FAM117B: variants seen among roughly 807,000 people sequenced by gnomAD.
The protein encoded by FAM117B is family with sequence similarity 117 member B, also known as protein FAM117B.
A neutral mutation model predicts 52.8 loss-of-function variants in FAM117B; 22 were observed. The observed-to-expected ratio is 0.42, with a 90% CI of 0.30 to 0.59. The LOEUF (loss-of-function observed/expected upper bound fraction) is 0.59. Ranked by LOEUF, FAM117B falls within the 20% of genes least tolerant of loss-of-function variation. The probability of loss-of-function intolerance (pLI) is 0.22; values close to 1 mark genes in which losing one functional copy is unlikely to be tolerated. For synonymous variants in FAM117B, 309 were observed against 324.1 expected (o/e 0.95, Z 0.50); for missense variants, 678 against 802.6 (o/e 0.84, Z 1.88).
Position 202,649,740 on chromosome 2 carries a change from C to T in FAM117B, c.601+13952C>T, listed in dbSNP as rs138553690. 8.9e-4 allele frequency among the ~76,000 whole-genome samples: 136 copies of T among 152,002 alleles called. 1 individual carries two copies. The highest frequency in any genetic ancestry group is 3.1e-3 in the African/African-American group (128 of 41,470). On this transcript the variant is annotated intron_variant, in intron 1 of 7. Coordinates refer to ENST00000392238, the MANE Select transcript of FAM117B (RefSeq NM_173511.4). ...CTAATTTTTGTGTTTTTAGTAAAGA[C>T]GGGGTTTCACTGTGTTGGCCAGGCT...
At chr2:202,683,402 TAGAA>T (rs1003700984) in intron 1 of FAM117B, among the ~76,000 whole-genome samples, 1 of 152,152 alleles carries the variant, frequency 6.6e-6, no homozygotes, top group Non-Finnish European at 1.5e-5. Context: ...GGCAGGTTCT[TAGAA>T]AGGATAAATA....
chr2:202,759,041 A>G (rs1011501353), intron 6 of FAM117B, among the ~76,000 whole-genome samples, 192 bp from the exon 7 acceptor site: 3 of 152,236 alleles, frequency 2.0e-5, no homozygotes, highest in African/African-American at 7.2e-5. Flanking sequence ...GGCCTAGGCT[A>G]TGGTAATTGT....
chr2:202,638,915 A>G (rs1205044125), intron 1 of FAM117B, among the ~76,000 whole-genome samples: 1 of 152,238 alleles, frequency 6.6e-6, no homozygotes, highest in Non-Finnish European at 1.5e-5. Flanking sequence ...GTTTCACTCT[A>G]GTAAATATCC....
At chr2:202,763,438 G>A (rs1691929854) in intron 7 of FAM117B, among the ~76,000 whole-genome samples, 1 of 152,024 alleles carries the variant, frequency 6.6e-6, no homozygotes, top group African/African-American at 2.4e-5. Flanking sequence ...CATTTGGATG[G>A]AACTGTTAAA....
chr2:202,707,704 C>T (rs1407662112), intron 2 of FAM117B, among the ~76,000 whole-genome samples: 2 of 151,752 alleles, frequency 1.3e-5, no homozygotes, highest in Non-Finnish European at 2.9e-5. Flanking sequence ...GAGACTCTGT[C>T]TCAAAAGTCA....
rs776958093 is a variant in FAM117B at position 202,648,378 on chromosome 2, C to T, written c.601+12590C>T. 4.6e-5 allele frequency among the ~76,000 whole-genome samples: 7 copies of T among 151,790 alleles called. No homozygotes were observed. In the East Asian group the frequency reaches 5.8e-4, roughly 13 times the overall value. On this transcript the variant is annotated intron_variant, in intron 1 of 7. Transcript: ENST00000392238. ...ACAGAAAAAAATTAGCCGAGTATAG[C>T]GGTCGGTGTGCGCCTGTAGTCCCAA...
chr2:202,712,698 C>G (rs564288416), intron 2 of FAM117B, among the ~76,000 whole-genome samples: 1 of 152,118 alleles, frequency 6.6e-6, no homozygotes, highest in East Asian at 1.9e-4. Flanking sequence ...CCATAAATGA[C>G]TTGTATTATG....
At chr2:202,650,372 A>G (rs573197713) in intron 1 of FAM117B, among the ~76,000 whole-genome samples, 1 of 152,290 alleles carries the variant, frequency 6.6e-6, no homozygotes, top group African/African-American at 2.4e-5. Context: ...CTGTATTCAT[A>G]CAGAGTAGGC....
At chr2:202,745,206 G>A (rs1308462723) in intron 4 of FAM117B, among the ~76,000 whole-genome samples, 2 of 151,868 alleles carry the variant, frequency 1.3e-5, no homozygotes, top group African/African-American at 4.8e-5. Flanking sequence ...CTTGAACCCA[G>A]GAGGCAGAGG....
At chr2:202,746,831 C>T (rs1559114642) in intron 4 of FAM117B, among the ~76,000 whole-genome samples, 1 of 152,126 alleles carries the variant, frequency 6.6e-6, no homozygotes, top group South Asian at 2.1e-4. Context: ...AGAACTAGCA[C>T]CAGTTCTTCT....
rs1387524491 is a variant in FAM117B at position 202,635,042 on chromosome 2, C to T, written c.-146C>T. ...CTGCACCACCTCGTTGCTGCCTGCCCCGGCCCGGTCTCCCCCTGCACCCCG... is the reference window on the plus strand; with the variant it reads ...CTGCACCACCTCGTTGCTGCCTGCCTCGGCCCGGTCTCCCCCTGCACCCCG... On this transcript the variant is annotated 5_prime_UTR_variant, in exon 1 of 8. Transcript: ENST00000392238. 39 of 1,101,660 alleles carry T rather than the reference C, an allele frequency of 3.5e-5. No individual in the cohort carries two copies. Among genetic ancestry groups the T allele is most frequent in the Non-Finnish European group, 4.4e-5 (38 of 870,148 alleles). The allele number at this position is 1,101,660 out of a possible 1,614,324, so 68.2% of individuals were successfully genotyped here.
At chr2:202,762,827 T>C (rs761778529) in intron 7 of FAM117B, among the ~76,000 whole-genome samples, 9 of 152,096 alleles carry the variant, frequency 5.9e-5, no homozygotes, top group Non-Finnish European at 1.0e-4. Context: ...TTATGTTATA[T>C]TGGTGTTAAT....
At chr2:202,681,883 G>A (rs957872935) in intron 1 of FAM117B, among the ~76,000 whole-genome samples, 8 of 152,152 alleles carry the variant, frequency 5.3e-5, no homozygotes, top group African/African-American at 1.4e-4. Flanking sequence ...CTGTTTGTCC[G>A]GTCAGATGTT....
Position 202,635,569 on chromosome 2 carries a change from A to C in FAM117B, c.382A>C (p.Ser128Arg). 8.2e-7 allele frequency: 1 copy of C among 1,221,986 alleles called. No individual in the cohort carries two copies. The highest frequency in any genetic ancestry group is 1.0e-6 in the Non-Finnish European group (1 of 986,524). 75.7% of individuals were successfully genotyped at this position (1,221,986 alleles called of 1,614,324 possible). A position where few individuals can be genotyped will look rare whatever the true frequency, so the allele number is the denominator to read the frequency against. The change falls in exon 1 of 8, where the codon AGC becomes CGC. Residue 128 changes from serine (S) to arginine (R), a missense_variant. By Grantham distance (110) the Ser-to-Arg change is moderately radical. This residue lies in a region of FAM117B where 583 missense variants were observed against 644.8 expected (regional missense o/e 0.90). Transcript: ENST00000392238. ...TSTRGTSPTR[S>R]AAPGARGSPP... ...CACGCGAGGCACCAGCCCCACGCGC[A>C]GCGCCGCGCCTGGAGCTCGCGGGAG...
Position 202,635,364 on chromosome 2 carries a change from C to A in FAM117B, c.177C>A (p.Gly59=). The part of the protein sequence containing the change: ...QQHGSPTRSG[G]GGGGNNNGGC... ...ATGGCAGCCCCACGCGGAGCGGCGGCGGCGGCGGCGGCAACAACAACGGTG... is the reference window on the plus strand; with the variant it reads ...ATGGCAGCCCCACGCGGAGCGGCGGAGGCGGCGGCGGCAACAACAACGGTG... Residue 59 remains glycine (G), a synonymous_variant, in exon 1 of 8, where the codon GGC becomes GGA. Coordinates refer to ENST00000392238, the MANE Select transcript of FAM117B (RefSeq NM_173511.4). 1 of 1,369,398 alleles carries A rather than the reference C, an allele frequency of 7.3e-7. No homozygotes were observed. Among genetic ancestry groups the A allele is most frequent in the South Asian group, 1.7e-5 (1 of 58,578 alleles). 84.8% of individuals were successfully genotyped at this position (1,369,398 alleles called of 1,614,324 possible). A position where few individuals can be genotyped will look rare whatever the true frequency, so the allele number is the denominator to read the frequency against.
At position 202,679,441 on chromosome 2, in the gene FAM117B, T is replaced by G. The variant is rs997648359; in HGVS notation, c.602-16440T>G. Among the ~76,000 whole-genome samples the G allele has an allele frequency of 5.9e-5, 9 of 152,338 alleles. No individual in the cohort carries two copies. In the South Asian group the frequency reaches 1.5e-3, roughly 25 times the overall value. ...AGCTCTAGAAATCTGAATAGGTGTT[T>G]TCTTTAGCTTTTGCTGAAGGAATAT... On this transcript the variant is annotated intron_variant, in intron 1 of 7. Coordinates refer to ENST00000392238, the MANE Select transcript of FAM117B (RefSeq NM_173511.4).
chr2:202,719,434 G>A (rs907617068), intron 2 of FAM117B, among the ~76,000 whole-genome samples: 13 of 152,088 alleles, frequency 8.5e-5, no homozygotes, highest in African/African-American at 2.9e-4. Context: ...AAAGTTGCAA[G>A]GATATTAAGT....
At chr2:202,710,841 C>T (rs1189233624) in intron 2 of FAM117B, among the ~76,000 whole-genome samples, 1 of 152,164 alleles carries the variant, frequency 6.6e-6, no homozygotes, top group African/African-American at 2.4e-5. Context: ...GCTGATTTCA[C>T]TTAACATAAT....
At chr2:202,753,823 G>A (rs1291753939) in intron 4 of FAM117B, among the ~76,000 whole-genome samples, 1 of 151,436 alleles carries the variant, frequency 6.6e-6, no homozygotes, top group Non-Finnish European at 1.5e-5. Context: ...ACCACAATGT[G>A]ATACCATCTC....
Sources: allele counts gnomAD v4.1 joint callset (sites outside exome capture counted in the v4.1 genomes callset), GRCh38; gene constraint gnomAD v4.1.1; regional missense constraint gnomAD v4.1.1; transcripts MANE v1.5; gene names NCBI Gene and HGNC (gene_info 2026-07-23, HGNC 2026-07-21).